EHMT1: variants seen among roughly 807,000 people sequenced by gnomAD.
EHMT1 encodes euchromatic histone lysine methyltransferase 1, also known as histone-lysine N-methyltransferase EHMT1.
A neutral mutation model predicts 147.2 loss-of-function variants in EHMT1; 15 were observed. The ratio of observed to expected loss-of-function variants is 0.10; its 90% CI spans 0.07 to 0.16. The LOEUF is 0.16. Ranked by LOEUF, EHMT1 falls within the 10% of genes least tolerant of loss-of-function variation. The pLI is 1.00. For missense variants in EHMT1, 1,587 were observed against 1,772.4 expected (o/e 0.90, Z 1.88); for synonymous variants, 795 against 709.6 (o/e 1.12, Z -1.91).
intron 1 of EHMT1, among the ~76,000 whole-genome samples, chr9:137,661,486 CTT>C (rs1195276514): frequency 1.1e-4 from 15 of 133,868 alleles, no homozygotes; most frequent in African/African-American, 8.3e-5. Context: ...TTTTGTACAT[CTT>C]TTTTTTTTTT....
intron 1 of EHMT1, among the ~76,000 whole-genome samples, chr9:137,624,286 A>G (rs1843118777): frequency 6.8e-6 from 1 of 147,508 alleles, no homozygotes; most frequent in Non-Finnish European, 1.5e-5. Context: ...CAGGCCAGGC[A>G]TTAGGCACTA....
At chr9:137,780,874 C>CGGGATGTGTGGTGATGACGCT (rs1564747641) in intron 14 of EHMT1, among the ~76,000 whole-genome samples, 1 of 45,856 alleles carries the variant, frequency 2.2e-5, no homozygotes, top group Non-Finnish European at 4.3e-5. Flanking sequence ...GTGATGACGC[C>CGGGATGTGTGGTGATGACGCT]GGGATGTGTG....
Position 137,786,838 on chromosome 9 carries a change from G to C in EHMT1, c.2383-4010G>C, listed in dbSNP as rs1253145171. ...AAGTGCTTCCCTGGCAGCCGACCTG[G>C]AGTCCACCCCAGCCTTTCGCCGGTG... On this transcript the variant is annotated intron_variant, in intron 15 of 26. Transcript: ENST00000460843. The surrounding 1 kb of genome is among the most constrained non-coding windows in gnomAD (Gnocchi z 4.3). 1 of 152,468 alleles carries C rather than the reference G, an allele frequency of 6.6e-6. No individual in the cohort carries two copies. 9.4% of individuals were successfully genotyped at this position (152,468 alleles called of 1,614,324 possible).
At chr9:137,675,347 A>C (rs1394752973) in intron 1 of EHMT1, 1 of 152,264 alleles carries the variant, frequency 6.6e-6, no homozygotes, top group Non-Finnish European at 1.5e-5. Flanking sequence ...GTGGCTTAAA[A>C]TAAGGTAGCG....
chr9:137,778,429 A>G lies in EHMT1; in HGVS notation c.2192+374A>G, dbSNP rs143244462. Reference sequence around the variant, plus strand: ...ATCTGTGCAATGCGAGGGTTGGGCCAAGGGGCCCTCCAGGCTTTCCCGACA... The same window carrying G: ...ATCTGTGCAATGCGAGGGTTGGGCCGAGGGGCCCTCCAGGCTTTCCCGACA... On this transcript the variant is annotated intron_variant, in intron 13 of 26. Coordinates refer to ENST00000460843, the MANE Select transcript of EHMT1 (RefSeq NM_024757.5). Among the ~76,000 whole-genome samples, 598 of 152,338 alleles carry G rather than the reference A, an allele frequency of 3.9e-3. 2 individuals are homozygous for G. Among genetic ancestry groups the G allele is most frequent in the Non-Finnish European group, 6.5e-3 (444 of 68,032 alleles).
At chr9:137,742,360 C>T (rs1035478964) in intron 4 of EHMT1, among the ~76,000 whole-genome samples, 1 of 148,610 alleles carries the variant, frequency 6.7e-6, no homozygotes, top group Non-Finnish European at 1.5e-5. Flanking sequence ...CTGTGTTTCC[C>T]AGGCTGGGCT....
chr9:137,745,527 A>C (rs1948468751), intron 6 of EHMT1: 1 of 398,452 alleles, frequency 2.5e-6, no homozygotes, highest in Admixed American at 4.4e-5. Flanking sequence ...TGGCTCTGGC[A>C]CTCTGAAACA....
chr9:137,767,287 C>T (rs1184773365), intron 10 of EHMT1, among the ~76,000 whole-genome samples: 1 of 152,130 alleles, frequency 6.6e-6, no homozygotes, highest in East Asian at 1.9e-4. Flanking sequence ...GGTGGTTTTG[C>T]CCTTTTATCT....
intron 23 of EHMT1, chr9:137,816,637 T>C: frequency 5.9e-6 from 1 of 169,924 alleles, no homozygotes; most frequent in Non-Finnish European, 1.3e-5. Flanking sequence ...CCTCCGCAAA[T>C]GTGCCCGAGA....
chr9:137,696,520 TG>T (rs887976855), intron 1 of EHMT1, among the ~76,000 whole-genome samples: 1 of 152,152 alleles, frequency 6.6e-6, no homozygotes, highest in Admixed American at 6.5e-5. Context: ...CAGTCTTTTG[TG>T]TTGGTTGTTG....
intron 1 of EHMT1, among the ~76,000 whole-genome samples, chr9:137,622,609 A>G (rs531907143): frequency 6.6e-6 from 1 of 152,274 alleles, no homozygotes; most frequent in East Asian, 1.9e-4. Context: ...TCTTATGTTC[A>G]TCCTGCCCCA....
At chr9:137,790,706 CG>C in intron 15 of EHMT1, 141 bp from the exon 16 acceptor site, 2 of 1,096,764 alleles carry the variant, frequency 1.8e-6, no homozygotes, top group Non-Finnish European at 2.8e-6. Context: ...TCTTTGAATA[CG>C]TGTTTAGAAA....
intron 8 of EHMT1, among the ~76,000 whole-genome samples, chr9:137,756,480 C>G (rs1340313932): frequency 6.6e-6 from 1 of 152,166 alleles, no homozygotes. Flanking sequence ...GCGTCATCCC[C>G]TGAAAAGAGA....
intron 9 of EHMT1, among the ~76,000 whole-genome samples, chr9:137,760,835 C>A (rs1056111397): frequency 6.6e-6 from 1 of 152,168 alleles, no homozygotes; most frequent in Non-Finnish European, 1.5e-5. Flanking sequence ...CAGTGAAACC[C>A]CGTCTCTACT....
intron 1 of EHMT1, among the ~76,000 whole-genome samples, chr9:137,623,328 C>T (rs1843052282): frequency 1.3e-5 from 2 of 152,252 alleles, no homozygotes; most frequent in Admixed American, 1.3e-4. Context: ...TTTATTCCCT[C>T]CTGGTGATGG....
chr9:137,796,712 A>AAAAAAAAAG (rs1952979213), intron 16 of EHMT1, among the ~76,000 whole-genome samples: 1 of 151,324 alleles, frequency 6.6e-6, no homozygotes, highest in Non-Finnish European at 1.5e-5. Flanking sequence ...TCAAAAAAAA[A>AAAAAAAAAG]AAAAAAAAGA....
Position 137,671,257 on chromosome 9 carries a change from T to C in EHMT1, c.22-39710T>C, listed in dbSNP as rs150189058. ...GAAGGAAATATACAAAAAGTTAACT[T>C]GGTTATTTCTGAATTGTGGGATTGC... On this transcript the variant is annotated intron_variant, in intron 1 of 26. Coordinates refer to ENST00000460843, the MANE Select transcript of EHMT1 (RefSeq NM_024757.5). 4.7e-3 allele frequency among the ~76,000 whole-genome samples: 711 copies of C among 152,330 alleles called. 12 individuals carry two copies. The highest frequency in any genetic ancestry group is 0.038 in the East Asian group (195 of 5,192).
Position 137,794,276 on chromosome 9 carries a change from AAC to A in EHMT1, c.2505+3308_2505+3309del, listed in dbSNP as rs547760162. Among the ~76,000 whole-genome samples the A allele has an allele frequency of 2.4e-4, 37 of 152,334 alleles. No individual in the cohort carries two copies. In the South Asian group the frequency reaches 7.0e-3, roughly 29 times the overall value. On this transcript the variant is annotated intron_variant, in intron 16 of 26. Coordinates refer to ENST00000460843, the MANE Select transcript of EHMT1 (RefSeq NM_024757.5). ...TTTTATTATAAACAATGTTTCAGTA[AAC>A]ATTTTTATAGTTAAATATTTGCACA...
rs551474798 is a variant in EHMT1, at chr9:137,789,677, G to A, written c.2383-1171G>A. 2.6e-5 allele frequency among the ~76,000 whole-genome samples: 4 copies of A among 152,294 alleles called. No individual in the cohort carries two copies. In the East Asian group the frequency reaches 7.7e-4, roughly 29 times the overall value. On this transcript the variant is annotated intron_variant, in intron 15 of 26. Coordinates refer to ENST00000460843, the MANE Select transcript of EHMT1 (RefSeq NM_024757.5). ...TCTTTGGGGAAGCCCAGCTCCTTCC[G>A]GTCAAAGTCTCCTGAGCCTCTCACT...
Sources: gnomAD v4.1 joint callset for allele counts (sites outside exome capture counted in the v4.1 genomes callset) on GRCh38, gnomAD v4.1.1 for gene constraint, Gnocchi (gnomAD v3.1) non-coding constraint, MANE v1.5 for transcripts, NCBI Gene and HGNC (gene_info 2026-07-23, HGNC 2026-07-21) for gene names.